Variants in CDK14 observed in about 807,000 individuals in gnomAD.
CDK14 encodes the protein cyclin dependent kinase 14, also known as cyclin-dependent kinase 14.
A neutral mutation model predicts 60.7 loss-of-function variants in CDK14; 34 were observed. The observed-to-expected ratio is 0.56, with a 90% CI of 0.43 to 0.75. The LOEUF is 0.75. Ranked by LOEUF, CDK14 falls within the 30% of genes least tolerant of loss-of-function variation. The pLI, the probability that CDK14 is intolerant of heterozygous loss-of-function variation, is 0.00. For missense variants in CDK14, 482 were observed against 564.1 expected, an observed-to-expected ratio of 0.85 and a Z score of 1.47; for synonymous variants, 197 against 203.7, an observed-to-expected ratio of 0.97 and a Z score of 0.28.
Position 90,777,690 on chromosome 7 carries a change from G to A in CDK14, c.465-12883G>A, listed in dbSNP as rs115783217. 8.1e-3 allele frequency among the ~76,000 whole-genome samples: 1,231 copies of A among 152,252 alleles called. 23 individuals are homozygous for A. The highest frequency in any genetic ancestry group is 0.026 in the African/African-American group (1,063 of 41,542). On this transcript the variant is annotated intron_variant, in intron 4 of 14. Transcript: ENST00000380050. ...CTCCATGCTTTGCCTAGTGCACATA[G>A]GGGCAGCTGTGCCGAGCAGCAGCCA...
At chr7:90,606,071 A>T (rs17874817) in intron 2 of CDK14, among the ~76,000 whole-genome samples, 1 of 152,318 alleles carries the variant, frequency 6.6e-6, no homozygotes, top group African/African-American at 2.4e-5. Flanking sequence ...CTGCCACAAG[A>T]GATTGTAAAC....
chr7:90,836,635 AT>A (rs1481332488), intron 5 of CDK14, among the ~76,000 whole-genome samples: 1 of 152,208 alleles, frequency 6.6e-6, no homozygotes, highest in Non-Finnish European at 1.5e-5. Flanking sequence ...TAACATAATG[AT>A]AAAAATGGTA....
chr7:90,827,876 C>G (rs1051349718), intron 5 of CDK14, among the ~76,000 whole-genome samples: 2 of 152,132 alleles, frequency 1.3e-5, no homozygotes, highest in Non-Finnish European at 2.9e-5. Context: ...TTCTTGTAAA[C>G]CCAATAAAAC....
intron 6 of CDK14, among the ~76,000 whole-genome samples, chr7:90,896,236 C>G (rs1792333504): frequency 6.6e-6 from 1 of 151,982 alleles, no homozygotes; most frequent in Admixed American, 6.6e-5. Flanking sequence ...TATTATCATT[C>G]ATTTTTTACT....
At chr7:90,652,172 T>G (rs899978029) in intron 2 of CDK14, among the ~76,000 whole-genome samples, 14 of 152,220 alleles carry the variant, frequency 9.2e-5, no homozygotes, top group Admixed American at 5.2e-4. Context: ...TTCCCTCATT[T>G]TCTTATTATC....
Position 90,917,637 on chromosome 7 carries a change from A to G in CDK14, c.739A>G (p.Ile247Val). 5.0e-6 allele frequency: 8 copies of G among 1,613,714 alleles called. No individual in the cohort carries two copies. The highest frequency in any genetic ancestry group is 6.8e-6 in the Non-Finnish European group (8 of 1,179,704). The change falls in exon 8 of 15, where the codon ATC becomes GTC. Residue 247 changes from isoleucine (I) to valine (V), a missense_variant. Coordinates refer to ENST00000380050, the MANE Select transcript of CDK14 (RefSeq NM_001287135.2). ...LFQLLRGLSY[I>V]HQRYILHRDL... ...TCAGTTGCTGCGAGGTCTGTCTTAC[A>G]TCCACCAGCGTTATATTTTGCACAG...
intron 6 of CDK14, among the ~76,000 whole-genome samples, chr7:90,891,958 A>C (rs1248289848): frequency 6.6e-6 from 1 of 152,236 alleles, no homozygotes; most frequent in Non-Finnish European, 1.5e-5. Context: ...TCATTTGAAG[A>C]GTCAACAATT....
chr7:90,814,378 C>A (rs967851196), intron 5 of CDK14, among the ~76,000 whole-genome samples: 4 of 151,898 alleles, frequency 2.6e-5, no homozygotes, highest in African/African-American at 9.7e-5. Context: ...TACATCAGAG[C>A]TTTTTTTTAA....
chr7:90,868,951 A>G (rs1021326388), intron 6 of CDK14, among the ~76,000 whole-genome samples: 4 of 152,186 alleles, frequency 2.6e-5, no homozygotes, highest in Non-Finnish European at 5.9e-5. Flanking sequence ...AGAGTTTTAT[A>G]TGATGGTCTA....
chr7:90,848,335 G>A (rs1402445969), intron 5 of CDK14, among the ~76,000 whole-genome samples: 1 of 152,076 alleles, frequency 6.6e-6, no homozygotes, highest in African/African-American at 2.4e-5. Context: ...GCCCGCCTTG[G>A]CCTCCCAAAG....
chr7:90,635,298 A>G (rs1330548303), intron 2 of CDK14, among the ~76,000 whole-genome samples: 1 of 152,180 alleles, frequency 6.6e-6, no homozygotes, highest in African/African-American at 2.4e-5. Context: ...TCCATCTTGA[A>G]TTAATTTTTG....
At chr7:90,911,860 T>A (rs1375687436) in intron 7 of CDK14, among the ~76,000 whole-genome samples, 1 of 152,132 alleles carries the variant, frequency 6.6e-6, no homozygotes, top group Non-Finnish European at 1.5e-5. Flanking sequence ...CCACTTAAAT[T>A]GTGAAGAGTT....
In CDK14 at chr7:90,611,672, C is replaced by T. The variant is rs144873440; in HGVS notation, c.123+7423C>T. On this transcript the variant is annotated intron_variant, in intron 2 of 14. Transcript: ENST00000380050. ...CCCTGCCTACGACTTGCCTCCTGCT[C>T]CAACAGAATGATGGGTCTGAAATAC... 2.0e-3 allele frequency among the ~76,000 whole-genome samples: 311 copies of T among 152,282 alleles called. 1 individual carries two copies. The highest frequency in any genetic ancestry group is 3.5e-3 in the Admixed American group (53 of 15,288).
intron 6 of CDK14, among the ~76,000 whole-genome samples, chr7:90,873,824 G>T (rs76914562): frequency 0.031 from 4,628 of 151,542 alleles, 227 homozygotes; most frequent in African/African-American, 0.1. Flanking sequence ...CGAGAATTTG[G>T]TTTTTTTTCT....
chr7:90,989,020 G>GTGTT (rs1380429769), intron 10 of CDK14, among the ~76,000 whole-genome samples: 3 of 151,812 alleles, frequency 2.0e-5, no homozygotes, highest in Non-Finnish European at 4.4e-5. Context: ...GTGTGTGTGT[G>GTGTT]TGTGTGTAAT....
intron 6 of CDK14, among the ~76,000 whole-genome samples, chr7:90,897,451 AT>A (rs772178728): frequency 1.3e-5 from 2 of 151,824 alleles, no homozygotes; most frequent in Admixed American, 6.6e-5. Context: ...TGTGTGAAGC[AT>A]TGAACAGATT....
intron 5 of CDK14, among the ~76,000 whole-genome samples, chr7:90,861,170 A>G (rs962721886): frequency 1.3e-5 from 2 of 152,140 alleles, no homozygotes; most frequent in South Asian, 2.1e-4. Context: ...AGTTCTTACT[A>G]TGCTTTAGAC....
At chr7:91,047,596 G>A (rs918308256) in intron 11 of CDK14, among the ~76,000 whole-genome samples, 3 of 152,152 alleles carry the variant, frequency 2.0e-5, no homozygotes, top group Admixed American at 2.0e-4. Context: ...ATACAAACTA[G>A]AATATTTATG....
chr7:90,735,820 C>G (rs1803076621), intron 3 of CDK14, among the ~76,000 whole-genome samples: 1 of 152,234 alleles, frequency 6.6e-6, no homozygotes, highest in Admixed American at 6.5e-5. Flanking sequence ...AGCCCCCTTT[C>G]CAGGGGAGTG....
Sources: gnomAD v4.1 joint callset for allele counts (sites outside exome capture counted in the v4.1 genomes callset) on GRCh38, gnomAD v4.1.1 for gene constraint, MANE v1.5 for transcripts, NCBI Gene and HGNC (gene_info 2026-07-23, HGNC 2026-07-21) for gene names.